HIBADH: variants seen among roughly 807,000 people sequenced by gnomAD.
HIBADH encodes 3-hydroxyisobutyrate dehydrogenase, mitochondrial.
A neutral mutation model predicts 36.1 loss-of-function variants in HIBADH; 25 were observed. The ratio of observed to expected loss-of-function variants is 0.69; its 90% CI spans 0.50 to 0.97. HIBADH has a LOEUF of 0.97. Ranked by LOEUF, HIBADH falls within the 50% of genes least tolerant of loss-of-function variation. The probability of loss-of-function intolerance (pLI) is 0.00; values close to 1 mark genes in which losing one functional copy is unlikely to be tolerated. For synonymous variants in HIBADH, 160 were observed against 149.5 expected, an observed-to-expected ratio of 1.07 and a Z score of -0.51; for missense variants, 421 against 418.0, an observed-to-expected ratio of 1.01 and a Z score of -0.06.
chr7:27,636,783 G>A (rs1397688679), intron 2 of HIBADH, among the ~76,000 whole-genome samples: 1 of 152,170 alleles, frequency 6.6e-6, no homozygotes, highest in African/African-American at 2.4e-5. Context: ...TTGATGCTAA[G>A]GATTAAGTTA....
chr7:27,579,839 G>A lies in HIBADH; in HGVS notation c.485-36739C>T, dbSNP rs78552695. On this transcript the variant is annotated intron_variant, in intron 4 of 7. Transcript: ENST00000265395. ...AAAACACAGCCACCAAAAAAGCAGCGAGGTATCTTTACCATAATACCATTT... is the reference window on the plus strand; with the variant it reads ...AAAACACAGCCACCAAAAAAGCAGCAAGGTATCTTTACCATAATACCATTT... 4.6e-3 allele frequency among the ~76,000 whole-genome samples: 693 copies of A among 152,248 alleles called. 6 individuals carry two copies. Among genetic ancestry groups the A allele is most frequent in the African/African-American group, 0.016 (656 of 41,536 alleles).
chr7:27,598,929 A>G (rs1422256580), intron 4 of HIBADH, among the ~76,000 whole-genome samples: 1 of 152,002 alleles, frequency 6.6e-6, no homozygotes, highest in Non-Finnish European at 1.5e-5. Flanking sequence ...TCTTTCCCAT[A>G]CAAGCTTTAT....
At chr7:27,653,566 T>C (rs541713416) in intron 1 of HIBADH, among the ~76,000 whole-genome samples, 268 of 152,148 alleles carry the variant, frequency 1.8e-3, no homozygotes, top group African/African-American at 6.4e-3. Flanking sequence ...AAACCCCGTC[T>C]CTACTAAAAA....
intron 4 of HIBADH, among the ~76,000 whole-genome samples, chr7:27,609,083 CTTG>C (rs1248179572): frequency 1.3e-5 from 2 of 152,144 alleles, no homozygotes; most frequent in South Asian, 2.1e-4. Flanking sequence ...AATAAAGTAG[CTTG>C]TTGTTGGCAA....
chr7:27,632,504 C>T, intron 2 of HIBADH, 59 bp from the exon 3 acceptor site: 2 of 1,115,652 alleles, frequency 1.8e-6, no homozygotes, highest in Non-Finnish European at 2.7e-6. Flanking sequence ...GTTTCTAGAG[C>T]ACAAACAGGA....
intron 1 of HIBADH, among the ~76,000 whole-genome samples, chr7:27,662,108 C>T (rs1786434330): frequency 6.6e-6 from 1 of 152,162 alleles, no homozygotes; most frequent in Non-Finnish European, 1.5e-5. Flanking sequence ...ACAAAAATGA[C>T]ATTTTTTTAG....
intron 4 of HIBADH, among the ~76,000 whole-genome samples, chr7:27,615,276 G>A (rs1785406596): frequency 1.3e-5 from 2 of 152,302 alleles, no homozygotes; most frequent in Non-Finnish European, 2.9e-5. Context: ...CATAGTGTGG[G>A]AAGAACATTA....
chr7:27,541,350 C>T (rs756944387), intron 5 of HIBADH, among the ~76,000 whole-genome samples: 1 of 152,094 alleles, frequency 6.6e-6, no homozygotes, highest in Non-Finnish European at 1.5e-5. Flanking sequence ...TTAAATTCTC[C>T]AGCTTTAGAT....
chr7:27,528,000 T>G (rs1388522846), intron 7 of HIBADH, among the ~76,000 whole-genome samples: 2 of 145,008 alleles, frequency 1.4e-5, no homozygotes, highest in Non-Finnish European at 3.0e-5. Flanking sequence ...TAACTTCAGG[T>G]GATACACCTG....
At chr7:27,604,867 C>A (rs1035648167) in intron 4 of HIBADH, among the ~76,000 whole-genome samples, 1 of 152,058 alleles carries the variant, frequency 6.6e-6, no homozygotes, top group African/African-American at 2.4e-5. Context: ...CAAACATTTA[C>A]TTTGAAAACA....
chr7:27,537,649 A>G (rs1436767089), intron 6 of HIBADH, among the ~76,000 whole-genome samples: 2 of 152,198 alleles, frequency 1.3e-5, no homozygotes, highest in African/African-American at 4.8e-5. Flanking sequence ...ACTAACCCAA[A>G]AGATTAAAGG....
At chr7:27,535,489 T>C (rs138033232) in intron 6 of HIBADH, among the ~76,000 whole-genome samples, 70 of 152,284 alleles carry the variant, frequency 4.6e-4, no homozygotes, top group South Asian at 6.2e-4. Flanking sequence ...CTGGGCCTGG[T>C]TGGCAATGCA....
intron 1 of HIBADH, among the ~76,000 whole-genome samples, chr7:27,652,648 C>G (rs1190054309): frequency 6.6e-6 from 1 of 152,254 alleles, no homozygotes; most frequent in African/African-American, 2.4e-5. Flanking sequence ...GATCCAGTGT[C>G]TGGTAGGTCC....
At chr7:27,574,607 T>TGAAC (rs1562627230) in intron 4 of HIBADH, among the ~76,000 whole-genome samples, 1 of 152,110 alleles carries the variant, frequency 6.6e-6, no homozygotes, top group African/African-American at 2.4e-5. Context: ...TTATTGCTGC[T>TGAAC]CTAATAGAGA....
At chr7:27,646,622 T>C (rs1447413567) in intron 2 of HIBADH, among the ~76,000 whole-genome samples, 1 of 149,646 alleles carries the variant, frequency 6.7e-6, no homozygotes. Flanking sequence ...CCTCCTAGGC[T>C]CAAGTAATCC....
intron 2 of HIBADH, chr7:27,647,868 G>A (rs914239132): frequency 1.1e-5 from 2 of 189,818 alleles, no homozygotes; most frequent in African/African-American, 4.7e-5. Context: ...CAGGCATAGA[G>A]GGAAGAGTAC....
chr7:27,632,455 A>G lies in HIBADH; in HGVS notation c.253-10T>C. 6.3e-7 allele frequency: 1 copy of G among 1,589,798 alleles called. No homozygotes were observed. Among genetic ancestry groups the G allele is most frequent in the South Asian group, 1.1e-5 (1 of 90,506 alleles). On this transcript the variant is annotated splice_polypyrimidine_tract_variant and intron_variant, in intron 2 of 7. Transcript: ENST00000265395. ...CTGGGGAAGATACTACCTTTAAAAA[A>G]AATTGCAAAGGCACATTATTTAAAT... is the stretch of plus-strand genomic sequence containing the variant.
chr7:27,630,512 T>C (rs1785728720), intron 3 of HIBADH, among the ~76,000 whole-genome samples: 1 of 152,024 alleles, frequency 6.6e-6, no homozygotes, highest in Non-Finnish European at 1.5e-5. Flanking sequence ...AAATTAAAAC[T>C]GAATAAATAT....
At chr7:27,599,072 A>AT (rs1197673126) in intron 4 of HIBADH, among the ~76,000 whole-genome samples, 1 of 152,130 alleles carries the variant, frequency 6.6e-6, no homozygotes. Context: ...ATGATATGTG[A>AT]TTGCTCCCAT....
Sources: allele counts gnomAD v4.1 joint callset (sites outside exome capture counted in the v4.1 genomes callset), GRCh38; gene constraint gnomAD v4.1.1; transcripts MANE v1.5; gene names NCBI Gene and HGNC (gene_info 2026-07-23, HGNC 2026-07-21).